Variants in CLEC2D observed in about 807,000 individuals in gnomAD.
CLEC2D encodes the protein C-type lectin domain family 2 member D, also known as C-type lectin related f.
CLEC2D carries 16 observed loss-of-function variants against 20.0 expected under a neutral mutation model. The observed-to-expected ratio is 0.80, with a 90% CI of 0.54 to 1.22. The LOEUF (loss-of-function observed/expected upper bound fraction) is 1.22, where lower values mean the gene tolerates loss of function less well. Among genes scored for constraint, CLEC2D ranks in the 50% most tolerant of loss-of-function variants. CLEC2D has a pLI of 0.00. For missense variants in CLEC2D, 207 were observed against 221.5 expected (o/e 0.93, Z 0.42); for synonymous variants, 77 against 71.1 (o/e 1.08, Z -0.42).
intron 2 of CLEC2D, 47 bp downstream of exon 2, chr12:9,681,080 A>G: frequency 5.1e-6 from 5 of 986,850 alleles, no homozygotes; most frequent in Non-Finnish European, 7.8e-6. Context: ...TTATACTTGT[A>G]AAAAGAAGAG....
At chr12:9,678,132 C>G (rs894613935) in intron 1 of CLEC2D, among the ~76,000 whole-genome samples, 5 of 152,136 alleles carry the variant, frequency 3.3e-5, no homozygotes, top group Non-Finnish European at 7.3e-5. Context: ...GTTAAATACT[C>G]TCTTGTTAGG....
chr12:9,693,630 C>A (rs1054465283), intron 4 of CLEC2D: 2 of 219,348 alleles, frequency 9.1e-6, no homozygotes, highest in South Asian at 1.0e-4. Context: ...AGCTTTTGAC[C>A]TTGGATGGGA....
chr12:9,680,494 C>T (rs929818424), intron 1 of CLEC2D, among the ~76,000 whole-genome samples: 1 of 152,192 alleles, frequency 6.6e-6, no homozygotes, highest in African/African-American at 2.4e-5. Context: ...ATCACTTTAT[C>T]ACTCCAGTTT....
At chr12:9,685,884 C>G (rs1006381366) in intron 2 of CLEC2D, among the ~76,000 whole-genome samples, 7 of 152,268 alleles carry the variant, frequency 4.6e-5, no homozygotes, top group Admixed American at 3.3e-4. Context: ...CAGTGGGTTC[C>G]AGGCTCCACT....
intron 2 of CLEC2D, among the ~76,000 whole-genome samples, chr12:9,687,236 G>T (rs534898548): frequency 1.7e-4 from 26 of 152,202 alleles, no homozygotes; most frequent in Non-Finnish European, 2.8e-4. Context: ...GGTACCATCT[G>T]TGAGTGATGG....
intron 1 of CLEC2D, among the ~76,000 whole-genome samples, chr12:9,677,725 T>A (rs1290175174): frequency 3.4e-5 from 5 of 147,648 alleles, no homozygotes; most frequent in Non-Finnish European, 6.0e-5. Context: ...TTTTTTTTTT[T>A]TTTATTTTGT....
In CLEC2D at chr12:9,695,537, G is replaced by T; in HGVS notation, c.*663G>T. ...TTAAGAACGGTCAGCTCAGGGGCTGGTGCAAAGGATGAACTGCACATTGTT... is the reference window on the plus strand; with the variant it reads ...TTAAGAACGGTCAGCTCAGGGGCTGTTGCAAAGGATGAACTGCACATTGTT... On this transcript the variant is annotated 3_prime_UTR_variant, in exon 5 of 5. Coordinates refer to ENST00000290855, the MANE Select transcript of CLEC2D (RefSeq NM_013269.6). 7.8e-7 allele frequency: 1 copy of T among 1,287,270 alleles called. No individual in the cohort carries two copies. The highest frequency in any genetic ancestry group is 1.2e-5 in the South Asian group (1 of 84,784). The allele number at this position is 1,287,270 out of a possible 1,614,324, so 79.7% of individuals were successfully genotyped here.
chr12:9,686,434 A>G (rs1395357622), intron 2 of CLEC2D, among the ~76,000 whole-genome samples: 1 of 152,138 alleles, frequency 6.6e-6, no homozygotes, highest in Non-Finnish European at 1.5e-5. Context: ...TTTAATAGTT[A>G]TAATTTGGTA....
At position 9,697,193 on chromosome 12, in the gene CLEC2D, A is replaced by G. The variant is rs1388669279; in HGVS notation, c.*2319A>G. 6.6e-6 allele frequency: 1 copy of G among 152,186 alleles called. No individual in the cohort carries two copies. Among genetic ancestry groups the G allele is most frequent in the Non-Finnish European group, 1.5e-5 (1 of 68,028 alleles). 9.4% of individuals were successfully genotyped at this position (152,186 alleles called of 1,614,324 possible). On this transcript the variant is annotated 3_prime_UTR_variant, in exon 5 of 5. Coordinates refer to ENST00000290855, the MANE Select transcript of CLEC2D (RefSeq NM_013269.6). ...GCACTGTGACATGTTAGTGATGGCCATAACACCCACGCTGGAAGGTTGTGG... is the reference window on the plus strand; with the variant it reads ...GCACTGTGACATGTTAGTGATGGCCGTAACACCCACGCTGGAAGGTTGTGG...
At chr12:9,672,695 C>G (rs1865448594) in intron 1 of CLEC2D, among the ~76,000 whole-genome samples, 1 of 152,280 alleles carries the variant, frequency 6.6e-6, no homozygotes, top group African/African-American at 2.4e-5. Context: ...CTTTCAGGTA[C>G]TCCAGTCAGT....
chr12:9,669,928 T>C, intron 1 of CLEC2D, 133 bp downstream of exon 1: 1 of 585,712 alleles, frequency 1.7e-6, no homozygotes, highest in Non-Finnish European at 3.1e-6. Context: ...TGGGAGTCCA[T>C]AAATTGGCTT....
In CLEC2D at chr12:9,696,164, A is replaced by G. The variant is rs184096366; in HGVS notation, c.*1290A>G. The G allele has an allele frequency of 1.2e-5, 11 of 880,318 alleles. No homozygotes were observed. In the Admixed American group the frequency reaches 1.9e-4, roughly 15 times the overall value. 54.5% of individuals were successfully genotyped at this position (880,318 alleles called of 1,614,324 possible). A position where few individuals can be genotyped will look rare whatever the true frequency, so the allele number is the denominator to read the frequency against. ...GAAACCAAGTTCATCAATTATGTGA[A>G]GAATTTCTTCTGGATGACTGACCAA... On this transcript the variant is annotated 3_prime_UTR_variant, in exon 5 of 5. Coordinates refer to ENST00000290855, the MANE Select transcript of CLEC2D (RefSeq NM_013269.6).
chr12:9,684,140 G>A (rs1865703911), intron 2 of CLEC2D, among the ~76,000 whole-genome samples: 1 of 152,154 alleles, frequency 6.6e-6, no homozygotes, highest in Non-Finnish European at 1.5e-5. Flanking sequence ...AGTAGCAATT[G>A]TGAATGGGAG....
intron 1 of CLEC2D, among the ~76,000 whole-genome samples, chr12:9,677,356 C>G (rs1035273774): frequency 6.6e-6 from 1 of 152,004 alleles, no homozygotes. Flanking sequence ...ATTGTGATTT[C>G]TTCCTTGACC....
At position 9,696,898 on chromosome 12, in the gene CLEC2D, A is replaced by G. The variant is rs1866007216; in HGVS notation, c.*2024A>G. On this transcript the variant is annotated 3_prime_UTR_variant, in exon 5 of 5. Transcript: ENST00000290855. ...GAAATGAAATCACCACCTCATAAAG[A>G]TATCTGCTTTCCTGTTTATTATAAC... The G allele has an allele frequency of 6.6e-6, 1 of 152,168 alleles. No homozygotes were observed. The allele number at this position is 152,168 out of a possible 1,614,324, so 9.4% of individuals were successfully genotyped here.
chr12:9,687,524 G>A (rs141284016), intron 2 of CLEC2D, among the ~76,000 whole-genome samples: 425 of 152,276 alleles, frequency 2.8e-3, no homozygotes, highest in Non-Finnish European at 4.9e-3. Context: ...AGGGGTTGGG[G>A]ACCCCTAATC....
chr12:9,696,562 AAG>A lies in CLEC2D; in HGVS notation c.*1689_*1690del, dbSNP rs1865999939. On this transcript the variant is annotated 3_prime_UTR_variant, in exon 5 of 5. Transcript: ENST00000290855. ...TTTTAATAAAGTAAAAAAAAAAAAA[AAG>A]GTATGGGGAAAACTGCCCCCATAAA... 1 of 203,502 alleles carries A rather than the reference AAG, an allele frequency of 4.9e-6. No homozygotes were observed. The highest frequency in any genetic ancestry group is 8.8e-5 in the East Asian group (1 of 11,332). 12.6% of individuals were successfully genotyped at this position (203,502 alleles called of 1,614,324 possible). A position where few individuals can be genotyped will look rare whatever the true frequency, so the allele number is the denominator to read the frequency against.
In CLEC2D at chr12:9,699,111, T is replaced by G. The variant is rs1297360321; in HGVS notation, c.*4237T>G. The stretch of plus-strand genomic sequence containing the variant: ...TTATGTGATCTTCACCCCATTAAGT[T>G]CTCCCCAAATTATTTACTCTTCCCC... On this transcript the variant is annotated 3_prime_UTR_variant, in exon 5 of 5. Coordinates refer to ENST00000290855, the MANE Select transcript of CLEC2D (RefSeq NM_013269.6). The G allele has an allele frequency of 2.0e-5, 3 of 152,120 alleles. No individual in the cohort carries two copies. In the East Asian group the frequency reaches 5.8e-4, roughly 29 times the overall value. 9.4% of individuals were successfully genotyped at this position (152,120 alleles called of 1,614,324 possible). A position where few individuals can be genotyped will look rare whatever the true frequency, so the allele number is the denominator to read the frequency against.
At chr12:9,685,576 G>A (rs1203830168) in intron 2 of CLEC2D, among the ~76,000 whole-genome samples, 1 of 152,148 alleles carries the variant, frequency 6.6e-6, no homozygotes, top group Non-Finnish European at 1.5e-5. Context: ...CGGCTGCAGT[G>A]GCTTTGCTGC....
Sources: gnomAD v4.1 joint callset for allele counts (sites outside exome capture counted in the v4.1 genomes callset) on GRCh38, gnomAD v4.1.1 for gene constraint, MANE v1.5 for transcripts, NCBI Gene and HGNC (gene_info 2026-07-23, HGNC 2026-07-21) for gene names.